NPSR1: variants seen among roughly 807,000 people sequenced by gnomAD.
The protein encoded by NPSR1 is neuropeptide S receptor 1.
Under a neutral mutation model 46.9 loss-of-function variants are expected in NPSR1, and 48 were observed. The ratio of observed to expected loss-of-function variants is 1.02; its 90% CI spans 0.81 to 1.30. The LOEUF (loss-of-function observed/expected upper bound fraction) is 1.30. NPSR1 is among the 50% of genes most tolerant of loss of function. The probability of loss-of-function intolerance (pLI) is 0.00; values close to 1 mark genes in which losing one functional copy is unlikely to be tolerated. For missense variants in NPSR1, 450 were observed against 449.5 expected (o/e 1.00, Z -0.01); for synonymous variants, 176 against 168.1 (o/e 1.05, Z -0.36).
intron 2 of NPSR1, among the ~76,000 whole-genome samples, chr7:34,765,340 A>C (rs1333861794): frequency 6.6e-6 from 1 of 152,222 alleles, no homozygotes; most frequent in Non-Finnish European, 1.5e-5. Flanking sequence ...CCAATGTTGG[A>C]GCTATTAGAC....
chr7:34,791,036 A>ATATATG (rs1562730637), intron 3 of NPSR1, among the ~76,000 whole-genome samples: 5 of 89,768 alleles, frequency 5.6e-5, no homozygotes, highest in African/African-American at 2.2e-4. Flanking sequence ...TATGTTATAT[A>ATATATG]TTATATTATA....
rs1791302003 is a variant in NPSR1 at position 34,658,620 on chromosome 7, A to AGCGTG, written c.147+62_147+63insCGTGG. 1.4e-5 allele frequency: 21 copies of AGCGTG among 1,511,424 alleles called. No homozygotes were observed. The Admixed American group carries it at 3.3e-4, about 24-fold the overall frequency. The allele number at this position is 1,511,424 out of a possible 1,614,324, so 93.6% of individuals were successfully genotyped here. A position where few individuals can be genotyped will look rare whatever the true frequency, so the allele number is the denominator to read the frequency against. The stretch of plus-strand genomic sequence containing the variant: ...ATAACAATGAGACTGCTGGAACTTA[A>AGCGTG]GAGTGTCAATTGAAGTATCATAGCC... On this transcript the variant is annotated intron_variant, in intron 1 of 8. Transcript: ENST00000360581.
chr7:34,774,529 C>G (rs1482010079), intron 2 of NPSR1, among the ~76,000 whole-genome samples: 1 of 152,210 alleles, frequency 6.6e-6, no homozygotes, highest in African/African-American at 2.4e-5. Context: ...GCCCCATTAT[C>G]AGCTGTTCCA....
chr7:34,783,451 A>G (rs1787322147), intron 3 of NPSR1, among the ~76,000 whole-genome samples: 1 of 152,146 alleles, frequency 6.6e-6, no homozygotes, highest in African/African-American at 2.4e-5. Context: ...ATTACCTCCC[A>G]CTGAATTCCT....
intron 2 of NPSR1, among the ~76,000 whole-genome samples, chr7:34,759,998 T>C (rs1786080067): frequency 6.6e-6 from 1 of 152,224 alleles, no homozygotes; most frequent in South Asian, 2.1e-4. Flanking sequence ...TCTTTTCACC[T>C]TATCCGCCAT....
chr7:34,872,091 T>C (rs551117707), intron 8 of NPSR1, among the ~76,000 whole-genome samples: 1 of 152,102 alleles, frequency 6.6e-6, no homozygotes, highest in South Asian at 2.1e-4. Flanking sequence ...GGCACCAAGC[T>C]CTTCCATAAT....
intron 8 of NPSR1, among the ~76,000 whole-genome samples, chr7:34,859,251 C>A (rs13310998): frequency 1.3e-5 from 2 of 151,874 alleles, no homozygotes; most frequent in South Asian, 4.1e-4. Context: ...TCCACAGAGC[C>A]TTGTGAGTCA....
At chr7:34,775,956 T>A (rs948987927) in intron 2 of NPSR1, among the ~76,000 whole-genome samples, 7 of 152,156 alleles carry the variant, frequency 4.6e-5, no homozygotes, top group African/African-American at 1.7e-4. Flanking sequence ...AAGAAACTTT[T>A]AAATTTTCTT....
intron 8 of NPSR1, among the ~76,000 whole-genome samples, chr7:34,865,320 G>A (rs1013174533): frequency 6.6e-6 from 1 of 151,840 alleles, no homozygotes; most frequent in African/African-American, 2.4e-5. Flanking sequence ...ATGCGGGACA[G>A]GTTTTCCTGT....
chr7:34,730,215 C>G (rs1784358026), intron 2 of NPSR1, among the ~76,000 whole-genome samples: 4 of 152,096 alleles, frequency 2.6e-5, no homozygotes, highest in African/African-American at 9.7e-5. Flanking sequence ...AGAAACAAAT[C>G]AAATATATAT....
chr7:34,766,682 C>A (rs1422387964), intron 2 of NPSR1, among the ~76,000 whole-genome samples: 3 of 152,002 alleles, frequency 2.0e-5, no homozygotes, highest in Non-Finnish European at 4.4e-5. Flanking sequence ...ACGCCATTCT[C>A]CTGCCTCAGC....
chr7:34,838,791 G>T (rs1584127471), intron 6 of NPSR1, among the ~76,000 whole-genome samples: 1 of 152,160 alleles, frequency 6.6e-6, no homozygotes, highest in African/African-American at 2.4e-5. Flanking sequence ...GGAGGAGATG[G>T]GGTTTCCAAT....
intron 2 of NPSR1, among the ~76,000 whole-genome samples, chr7:34,694,728 T>C (rs888362161): frequency 1.1e-4 from 17 of 152,230 alleles, no homozygotes; most frequent in African/African-American, 4.1e-4. Context: ...TTTCTTTTTT[T>C]GAAATGGAGT....
chr7:34,792,448 G>A (rs945347157), intron 3 of NPSR1, among the ~76,000 whole-genome samples: 8 of 147,224 alleles, frequency 5.4e-5, no homozygotes, highest in African/African-American at 1.8e-4. Flanking sequence ...TGGATTGAGC[G>A]CAGGTATTCA....
intron 2 of NPSR1, among the ~76,000 whole-genome samples, chr7:34,734,458 T>C (rs1384682919): frequency 6.6e-6 from 1 of 152,084 alleles, no homozygotes; most frequent in Non-Finnish European, 1.5e-5. Context: ...ACAGCATGGA[T>C]GATAGGGTCG....
At chr7:34,827,960 G>A (rs765461641) in intron 5 of NPSR1, among the ~76,000 whole-genome samples, 1 of 152,128 alleles carries the variant, frequency 6.6e-6, no homozygotes, top group Non-Finnish European at 1.5e-5. Flanking sequence ...CATCAAACAG[G>A]ATTGATATCC....
intron 4 of NPSR1, among the ~76,000 whole-genome samples, chr7:34,822,358 A>T (rs1789600528): frequency 6.6e-6 from 1 of 152,038 alleles, no homozygotes; most frequent in African/African-American, 2.4e-5. Context: ...AGAAACCAGG[A>T]GGGAGTCAAA....
intron 1 of NPSR1, among the ~76,000 whole-genome samples, chr7:34,662,971 A>G (rs1791529961): frequency 6.6e-6 from 1 of 151,940 alleles, no homozygotes; most frequent in Non-Finnish European, 1.5e-5. Context: ...TTTTCAGCCC[A>G]GGAAGAGTTT....
intron 3 of NPSR1, among the ~76,000 whole-genome samples, chr7:34,806,036 C>T (rs1324983117): frequency 6.6e-6 from 1 of 151,960 alleles, no homozygotes; most frequent in African/African-American, 2.4e-5. Flanking sequence ...ATACCAATGG[C>T]TGATGAGGAT....
Sources: allele counts gnomAD v4.1 joint callset (sites outside exome capture counted in the v4.1 genomes callset), GRCh38; gene constraint gnomAD v4.1.1; transcripts MANE v1.5; gene names NCBI Gene and HGNC (gene_info 2026-07-23, HGNC 2026-07-21).